The following ZBTB20 variants were observed in gnomAD, a reference collection of about 807,000 sequenced individuals.
ZBTB20 encodes zinc finger and BTB domain containing 20.
Under a neutral mutation model 56.9 loss-of-function variants are expected in ZBTB20, and 9 were observed. That is an observed-to-expected ratio of 0.16 (90% CI 0.10 to 0.28). The LOEUF (loss-of-function observed/expected upper bound fraction) is 0.28, where lower values mean the gene tolerates loss of function less well. Among genes scored for constraint, ZBTB20 ranks in the 10% least tolerant of loss-of-function variants. ZBTB20 has a pLI of 1.00. For synonymous variants in ZBTB20, 417 were observed against 420.7 expected (o/e 0.99, Z 0.11); for missense variants, 655 against 1,003.0 (o/e 0.65, Z 4.69).
At chr3:115,097,177 TTTTA>T (rs957991492) in intron 1 of ZBTB20, among the ~76,000 whole-genome samples, 2 of 152,166 alleles carry the variant, frequency 1.3e-5, no homozygotes, top group African/African-American at 2.4e-5. Context: ...TTTTATTTGA[TTTTA>T]TTTATTTATT....
intron 2 of ZBTB20, among the ~76,000 whole-genome samples, chr3:114,984,174 G>A: frequency 6.6e-6 from 1 of 151,968 alleles, no homozygotes; most frequent in East Asian, 1.9e-4. Flanking sequence ...GGAGATCACA[G>A]GGTTTAGGAT....
At chr3:114,839,465 A>AAGAAAGAAAGAAAGAAAGAAAG (rs767019231) in intron 4 of ZBTB20, among the ~76,000 whole-genome samples, 82 of 148,338 alleles carry the variant, frequency 5.5e-4, no homozygotes, top group South Asian at 1.5e-3. Context: ...GAAAGAAAGA[A>AAGAAAGAAAGAAAGAAAGAAAG]AGAGAGAGAG....
chr3:114,847,846 G>A (rs931617091), intron 4 of ZBTB20, among the ~76,000 whole-genome samples: 2 of 152,162 alleles, frequency 1.3e-5, no homozygotes, highest in East Asian at 3.8e-4. Context: ...GTAAGCACTT[G>A]TTGATTGACT....
chr3:114,326,156 C>T lies in ZBTB20; in HGVS notation c.*12849G>A, dbSNP rs933558866. On this transcript the variant is annotated 3_prime_UTR_variant, in exon 12 of 12. Coordinates refer to ENST00000675478, the MANE Select transcript of ZBTB20 (RefSeq NM_001348800.3). Reference sequence around the variant, plus strand: ...TCAATTGATTTTGGCATTTCGGCAGCACCCCTTCCTTTTCTTTCCTGGGTA... The same window carrying T: ...TCAATTGATTTTGGCATTTCGGCAGTACCCCTTCCTTTTCTTTCCTGGGTA... 1 of 152,176 alleles carries T rather than the reference C, an allele frequency of 6.6e-6. No homozygotes were observed. The highest frequency in any genetic ancestry group is 1.5e-5 in the Non-Finnish European group (1 of 68,018). 9.4% of individuals were successfully genotyped at this position (152,176 alleles called of 1,614,324 possible).
chr3:114,703,974 TA>T (rs1266386630), intron 5 of ZBTB20, among the ~76,000 whole-genome samples: 2 of 152,240 alleles, frequency 1.3e-5, no homozygotes, highest in East Asian at 3.8e-4. Flanking sequence ...TTTTCTTATT[TA>T]TTTTTTGTTG....
chr3:114,332,418 C>T lies in ZBTB20; in HGVS notation c.*6587G>A, dbSNP rs1429435838. On this transcript the variant is annotated 3_prime_UTR_variant, in exon 12 of 12. Transcript: ENST00000675478. Reference sequence around the variant, plus strand: ...AAGGAAATGTTTAAAACTAGTACTCCCGGGCACCTGTGATTGCATTTTATA... The same window carrying T: ...AAGGAAATGTTTAAAACTAGTACTCTCGGGCACCTGTGATTGCATTTTATA... 6.6e-6 allele frequency: 1 copy of T among 152,146 alleles called. No individual in the cohort carries two copies. The highest frequency in any genetic ancestry group is 1.5e-5 in the Non-Finnish European group (1 of 68,038). 9.4% of individuals were successfully genotyped at this position (152,146 alleles called of 1,614,324 possible).
intron 6 of ZBTB20, among the ~76,000 whole-genome samples, chr3:114,662,055 T>A (rs1289448641): frequency 3.3e-5 from 2 of 59,846 alleles, no homozygotes; most frequent in African/African-American, 6.7e-5. Flanking sequence ...CCCTCCCCCC[T>A]CCCCCCACCC....
intron 2 of ZBTB20, among the ~76,000 whole-genome samples, chr3:115,029,643 A>G (rs1447908023): frequency 6.6e-6 from 1 of 150,854 alleles, no homozygotes; most frequent in Non-Finnish European, 1.5e-5. Flanking sequence ...TGGGAAAAAC[A>G]TAGATTTTTT....
chr3:114,349,768 T>C (rs1226618418), intron 11 of ZBTB20, among the ~76,000 whole-genome samples: 1 of 152,208 alleles, frequency 6.6e-6, no homozygotes, highest in Non-Finnish European at 1.5e-5. Flanking sequence ...AGACTTCACA[T>C]GTATTAATTT....
At chr3:114,418,507 TATC>T (rs1336002386) in intron 7 of ZBTB20, among the ~76,000 whole-genome samples, 2 of 151,742 alleles carry the variant, frequency 1.3e-5, no homozygotes, top group Non-Finnish European at 2.9e-5. Flanking sequence ...AAACTAGCCT[TATC>T]ATAAGAAAAA....
chr3:114,630,999 G>C (rs1290893), intron 6 of ZBTB20, among the ~76,000 whole-genome samples: 9,690 of 152,100 alleles, frequency 0.064, 407 homozygotes, highest in Middle Eastern at 0.13. Context: ...TCAGAATTAA[G>C]AAAAATAAGA....
At chr3:114,413,070 T>G (rs1576646166) in intron 7 of ZBTB20, among the ~76,000 whole-genome samples, 2 of 152,170 alleles carry the variant, frequency 1.3e-5, no homozygotes, top group Non-Finnish European at 2.9e-5. Flanking sequence ...TAACGGCAAC[T>G]CATGGGTGGG....
chr3:114,938,802 C>T (rs1469409037), intron 3 of ZBTB20, among the ~76,000 whole-genome samples: 1 of 145,170 alleles, frequency 6.9e-6, no homozygotes, highest in Non-Finnish European at 1.5e-5. Flanking sequence ...GCACACATAT[C>T]CCAGAACTTA....
chr3:114,784,164 C>A (rs1191764996), intron 5 of ZBTB20, among the ~76,000 whole-genome samples: 1 of 152,040 alleles, frequency 6.6e-6, no homozygotes, highest in African/African-American at 2.4e-5. Flanking sequence ...CATTTTAATT[C>A]TTTTGGAGGA....
intron 4 of ZBTB20, among the ~76,000 whole-genome samples, chr3:114,866,667 G>C (rs2075775680): frequency 6.6e-6 from 1 of 152,160 alleles, no homozygotes; most frequent in Non-Finnish European, 1.5e-5. Flanking sequence ...CTCTCTCACA[G>C]GTAATAGGGA....
At chr3:114,746,233 G>C (rs2067030920) in intron 5 of ZBTB20, among the ~76,000 whole-genome samples, 1 of 152,104 alleles carries the variant, frequency 6.6e-6, no homozygotes, top group African/African-American at 2.4e-5. Context: ...ACTGGTGAAG[G>C]ATAGAAAGTA....
chr3:114,364,045 A>C (rs2082145169), intron 10 of ZBTB20, among the ~76,000 whole-genome samples: 1 of 133,970 alleles, frequency 7.5e-6, no homozygotes, highest in African/African-American at 2.7e-5. Flanking sequence ...ATCCTTTCCC[A>C]AAATAAACTT....
intron 5 of ZBTB20, among the ~76,000 whole-genome samples, chr3:114,773,335 A>T (rs2069351383): frequency 6.6e-6 from 1 of 152,224 alleles, no homozygotes; most frequent in South Asian, 2.1e-4. Context: ...CAGAAAACAA[A>T]TATATTATCC....
intron 8 of ZBTB20, among the ~76,000 whole-genome samples, chr3:114,385,072 C>T (rs550352700): frequency 1.3e-5 from 2 of 152,222 alleles, no homozygotes; most frequent in South Asian, 2.1e-4. Flanking sequence ...CTCTCTTGCA[C>T]GTTAATGTGC....
Sources: gnomAD v4.1 joint callset for allele counts (sites outside exome capture counted in the v4.1 genomes callset) on GRCh38, gnomAD v4.1.1 for gene constraint, MANE v1.5 for transcripts, NCBI Gene and HGNC (gene_info 2026-07-23, HGNC 2026-07-21) for gene names.